ITPR1: variants seen among roughly 807,000 people sequenced by gnomAD.
The protein encoded by ITPR1 is inositol 1,4,5-trisphosphate-gated calcium channel ITPR1.
ITPR1 carries 96 observed loss-of-function variants against 318.4 expected under a neutral mutation model. The ratio of observed to expected loss-of-function variants is 0.30; its 90% CI spans 0.26 to 0.36. The LOEUF is 0.36. Ranked by LOEUF, ITPR1 falls within the 10% of genes least tolerant of loss-of-function variation. ITPR1 has a pLI of 1.00. For synonymous variants in ITPR1, 1,312 were observed against 1,289.9 expected (o/e 1.02, Z -0.37); for missense variants, 2,440 against 3,460.2 (o/e 0.71, Z 7.40).
chr3:4,700,003 G>T, intron 35 of ITPR1, 62 bp downstream of exon 35: 1 of 1,500,494 alleles, frequency 6.7e-7, no homozygotes, highest in Non-Finnish European at 9.2e-7. Flanking sequence ...TGGGCTTGAT[G>T]TGAATTTGGG....
chr3:4,553,087 A>G (rs2085732960), intron 4 of ITPR1, among the ~76,000 whole-genome samples: 1 of 152,194 alleles, frequency 6.6e-6, no homozygotes, highest in Non-Finnish European at 1.5e-5. Flanking sequence ...AGTGCACTAT[A>G]AAGAATAGAT....
chr3:4,581,194 G>T (rs1050112846), intron 4 of ITPR1, among the ~76,000 whole-genome samples: 7 of 152,184 alleles, frequency 4.6e-5, no homozygotes, highest in Non-Finnish European at 7.4e-5. Context: ...GAGTGTTTTT[G>T]CCGAGGCAGC....
At chr3:4,837,555 C>T (rs1228971652) in intron 61 of ITPR1, among the ~76,000 whole-genome samples, 1 of 151,996 alleles carries the variant, frequency 6.6e-6, no homozygotes, top group Non-Finnish European at 1.5e-5. Context: ...TGCTTCCTAT[C>T]CGTAAGATAA....
intron 4 of ITPR1, among the ~76,000 whole-genome samples, chr3:4,618,754 G>C (rs1336429138): frequency 2.0e-5 from 3 of 152,164 alleles, no homozygotes; most frequent in African/African-American, 7.2e-5. Context: ...TCTGCTCCAG[G>C]TTGTAGCAGT....
At chr3:4,721,172 G>GTATATATATATA (rs5846332) in intron 40 of ITPR1, among the ~76,000 whole-genome samples, 1,357 of 124,728 alleles carry the variant, frequency 0.011, 22 homozygotes, top group African/African-American at 0.014. Context: ...GTGTGTGCGT[G>GTATATATATATA]TATATATATA....
chr3:4,583,394 T>C (rs981050025), intron 4 of ITPR1, among the ~76,000 whole-genome samples: 3 of 152,202 alleles, frequency 2.0e-5, no homozygotes, highest in Non-Finnish European at 2.9e-5. Flanking sequence ...GTTTGTGTTA[T>C]GTGTTTCACA....
intron 44 of ITPR1, among the ~76,000 whole-genome samples, chr3:4,755,887 T>C (rs2044933639): frequency 6.6e-6 from 1 of 152,230 alleles, no homozygotes. Context: ...CAATACAGAC[T>C]TGCTTCACTT....
chr3:4,525,627 A>G (rs1242533972), intron 4 of ITPR1, among the ~76,000 whole-genome samples: 1 of 152,212 alleles, frequency 6.6e-6, no homozygotes, highest in Non-Finnish European at 1.5e-5. Context: ...AGAATAATAC[A>G]GCAACTTTAG....
intron 5 of ITPR1, among the ~76,000 whole-genome samples, chr3:4,637,214 T>C (rs1229305333): frequency 6.6e-6 from 1 of 152,252 alleles, no homozygotes; most frequent in African/African-American, 2.4e-5. Context: ...GTTTTTTCCC[T>C]TTGATATTTT....
intron 4 of ITPR1, among the ~76,000 whole-genome samples, chr3:4,626,151 A>T (rs927607518): frequency 6.7e-6 from 1 of 149,506 alleles, no homozygotes; most frequent in Non-Finnish European, 1.5e-5. Context: ...CTATCTCTTT[A>T]AAAAAAAAAT....
intron 4 of ITPR1, among the ~76,000 whole-genome samples, chr3:4,540,457 G>C (rs760860010): frequency 7.2e-5 from 11 of 152,058 alleles, no homozygotes; most frequent in Non-Finnish European, 1.5e-4. Flanking sequence ...CTATTAATTG[G>C]AATGTTTAGT....
chr3:4,722,425 A>T (rs79293617), intron 40 of ITPR1, among the ~76,000 whole-genome samples: 2 of 152,292 alleles, frequency 1.3e-5, no homozygotes, highest in Non-Finnish European at 2.9e-5. Context: ...GTGCCCTCAA[A>T]ATGTTCCCCC....
chr3:4,801,802 A>T (rs1322004631), intron 54 of ITPR1, among the ~76,000 whole-genome samples: 2 of 152,038 alleles, frequency 1.3e-5, no homozygotes, highest in Admixed American at 6.5e-5. Context: ...ATAATTTTTA[A>T]AAAAAAGGGA....
At chr3:4,843,895 G>C (rs1340751992) in intron 61 of ITPR1, among the ~76,000 whole-genome samples, 1 of 152,138 alleles carries the variant, frequency 6.6e-6, no homozygotes, top group African/African-American at 2.4e-5. Flanking sequence ...TGAAGAGAAA[G>C]ACTAACTGAC....
chr3:4,611,793 G>C (rs1040055104), intron 4 of ITPR1, among the ~76,000 whole-genome samples: 88 of 151,942 alleles, frequency 5.8e-4, no homozygotes, highest in African/African-American at 1.8e-3. Context: ...ATACTTGCTT[G>C]GTTTTTATGA....
At chr3:4,627,373 A>G (rs2092864826) in intron 4 of ITPR1, among the ~76,000 whole-genome samples, 1 of 152,200 alleles carries the variant, frequency 6.6e-6, no homozygotes, top group African/African-American at 2.4e-5. Flanking sequence ...CTGAAGCAGG[A>G]GAGTCACTGG....
Position 4,673,218 on chromosome 3 carries a change from G to A in ITPR1, c.2287G>A (p.Asp763Asn), listed in dbSNP as rs1249327475. Residue 763 changes from aspartate (D) to asparagine (N), a missense_variant, in exon 21 of 62, where the codon GAT becomes AAT. Physicochemically the swap from Asp to Asn is conservative, Grantham distance 23. Around this residue, in one of 23 missense-constraint regions of ITPR1, gnomAD observed 478 missense variants for 696.3 expected, o/e 0.69. Coordinates refer to ENST00000649015, the MANE Select transcript of ITPR1 (RefSeq NM_001378452.1). ...INEISGQLDV[D>N]LILRCMSDEN... ...CGAAATCTCAGGCCAGCTGGATGTC[G>A]ATCTCATTCTCCGCTGCATGTCTGA... The A allele has an allele frequency of 3.1e-6, 5 of 1,613,796 alleles. No homozygotes were observed. The highest frequency in any genetic ancestry group is 3.3e-5 in the Admixed American group (2 of 60,000).
At chr3:4,823,465 AT>A (rs1286918254) in intron 60 of ITPR1, among the ~76,000 whole-genome samples, 2 of 152,292 alleles carry the variant, frequency 1.3e-5, no homozygotes, top group African/African-American at 4.8e-5. Context: ...GTGGAATACT[AT>A]TTGGCCATAA....
rs1207283839 is a variant in ITPR1 at position 4,766,573 on chromosome 3, A to C, written c.5588A>C (p.Lys1863Thr). Residue 1863 changes from lysine to threonine, a missense_variant, in exon 45 of 62, where the codon AAA becomes ACA. Transcript: ENST00000649015. Reference sequence around the variant, plus strand: ...TTGACAGAAGATAAGAAGTCAGAGAAATTCTTTAAGGTGTTTTATGACCGG... The same window carrying C: ...TTGACAGAAGATAAGAAGTCAGAGACATTCTTTAAGGTGTTTTATGACCGG... Reference protein sequence around the residue: ...CRLTEDKKSEKFFKVFYDRMK... With the variant: ...CRLTEDKKSETFFKVFYDRMK... 1 of 1,613,814 alleles carries C rather than the reference A, an allele frequency of 6.2e-7. No homozygotes were observed. Among genetic ancestry groups the C allele is most frequent in the South Asian group, 1.1e-5 (1 of 91,078 alleles).
Sources: allele counts gnomAD v4.1 joint callset (sites outside exome capture counted in the v4.1 genomes callset), GRCh38; gene constraint gnomAD v4.1.1; regional missense constraint gnomAD v4.1.1; transcripts MANE v1.5; gene names NCBI Gene and HGNC (gene_info 2026-07-23, HGNC 2026-07-21).